KIF4A: variants seen among roughly 807,000 people sequenced by gnomAD.
The protein encoded by KIF4A is chromosome-associated kinesin KIF4A.
KIF4A carries 7 observed loss-of-function variants against 105.9 expected under a neutral mutation model. That is an observed-to-expected ratio of 0.07 (90% CI 0.04 to 0.12). The LOEUF (loss-of-function observed/expected upper bound fraction) is 0.12, where lower values mean the gene tolerates loss of function less well. Ranked by LOEUF, KIF4A falls within the 10% of genes least tolerant of loss-of-function variation. The pLI is 1.00. For synonymous variants in KIF4A, 281 were observed against 331.3 expected (o/e 0.85, Z 1.65); for missense variants, 558 against 929.2 (o/e 0.60, Z 5.19).
At chrX:70,319,059 T>TG (rs2085880648) in intron 7 of KIF4A, among the ~76,000 whole-genome samples, 1 of 111,583 alleles carries the variant, frequency 9.0e-6, no homozygotes, top group African/African-American at 3.3e-5. Flanking sequence ...GGTCAGGAGA[T>TG]GGAGACCCTC....
rs765403609 is a variant in KIF4A, at chrX:70,420,150, A to G, written c.3584A>G (p.His1195Arg). Residue 1195 changes from histidine to arginine, a missense_variant, in exon 31 of 31, where the codon CAT becomes CGT. This residue lies in a region of KIF4A where 469 missense variants were observed against 680.4 expected (regional missense o/e 0.69). Transcript: ENST00000374403. ...PSPFDLPELKHVATEYQENKA... is the reference protein window; with the variant it reads ...PSPFDLPELKRVATEYQENKA... ...CCTTTTGACCTCCCAGAGTTGAAAC[A>G]TGTAGCAACAGAATACCAAGAAAAC... 6.6e-6 allele frequency: 8 copies of G among 1,211,225 alleles called. No homozygotes were observed. Among genetic ancestry groups the G allele is most frequent in the Middle Eastern group, 2.3e-4 (1 of 4,352 alleles).
At chrX:70,397,099 G>A (rs1033287953) in intron 22 of KIF4A, among the ~76,000 whole-genome samples, 4 of 109,467 alleles carry the variant, frequency 3.7e-5, no homozygotes, top group South Asian at 4.0e-4. Flanking sequence ...GGCCAGGCAC[G>A]GTAGCTCTCG....
intron 28 of KIF4A, among the ~76,000 whole-genome samples, chrX:70,408,356 A>G (rs1196515278): frequency 8.9e-6 from 1 of 112,002 alleles, no homozygotes; most frequent in Non-Finnish European, 1.9e-5. Flanking sequence ...AATAATTAAG[A>G]TCAAACACAC....
chrX:70,334,715 T>C lies in KIF4A; in HGVS notation c.1133+1026T>C, dbSNP rs1326569490. ...TCTCCCCCTAAATCTTAGTTACTTT[T>C]GTTTGTTTATATTTTAGGTATGTGA... On this transcript the variant is annotated intron_variant, in intron 10 of 30. Transcript: ENST00000374403. Among the ~76,000 whole-genome samples, 8 of 112,225 alleles carry C rather than the reference T, an allele frequency of 7.1e-5. No individual in the cohort carries two copies. The Admixed American group carries it at 7.6e-4, about 11-fold the overall frequency.
chrX:70,350,088 G>A (rs1312766607), intron 13 of KIF4A, among the ~76,000 whole-genome samples: 8 of 114,063 alleles, frequency 7.0e-5, no homozygotes, highest in South Asian at 3.4e-4. Context: ...ATGGGGTGGC[G>A]GCCGGGCAGA....
intron 13 of KIF4A, among the ~76,000 whole-genome samples, chrX:70,344,464 T>C (rs1027509530): frequency 8.9e-6 from 1 of 111,813 alleles, no homozygotes; most frequent in South Asian, 3.8e-4. Flanking sequence ...ACCATTATAG[T>C]AGTGGCAGGT....
intron 13 of KIF4A, among the ~76,000 whole-genome samples, chrX:70,345,598 C>T (rs895421460): frequency 3.6e-5 from 4 of 111,882 alleles, no homozygotes; most frequent in Admixed American, 9.5e-5. Context: ...GTTGTATGTC[C>T]GTGTGGTTTA....
chrX:70,405,695 C>T (rs1184953294), intron 25 of KIF4A, 133 bp from the exon 26 acceptor site: 5 of 484,659 alleles, frequency 1.0e-5, no homozygotes, highest in Non-Finnish European at 1.8e-5. Context: ...TTCTGGGTGC[C>T]AGTGCCTGCT....
intron 20 of KIF4A, 32 bp downstream of exon 20, chrX:70,387,329 TG>T (rs1190909507): frequency 1.6e-5 from 16 of 1,023,171 alleles, no homozygotes; most frequent in Non-Finnish European, 2.0e-5. Context: ...ATTTCTCTTG[TG>T]GACACTGGGA....
At chrX:70,364,277 G>T (rs985145196) in intron 15 of KIF4A, among the ~76,000 whole-genome samples, 1 of 111,162 alleles carries the variant, frequency 9.0e-6, no homozygotes, top group Non-Finnish European at 1.9e-5. Flanking sequence ...GTCTTTTGTT[G>T]CCATTGCTTT....
At chrX:70,362,377 T>C in intron 15 of KIF4A, 1 of 252,147 alleles carries the variant, frequency 4.0e-6, no homozygotes, top group Non-Finnish European at 7.6e-6. Flanking sequence ...ATCACCATCT[T>C]GGGAGGACCA....
chrX:70,361,078 C>CA (rs2086073403), intron 15 of KIF4A, among the ~76,000 whole-genome samples: 1 of 112,755 alleles, frequency 8.9e-6, no homozygotes, highest in South Asian at 3.6e-4. Flanking sequence ...GCAGCAGAGG[C>CA]AGCCCACGTG....
intron 7 of KIF4A, among the ~76,000 whole-genome samples, chrX:70,319,001 G>A (rs1017910366): frequency 2.7e-5 from 3 of 111,459 alleles, no homozygotes; most frequent in African/African-American, 9.8e-5. Flanking sequence ...GTGGTGGCTC[G>A]CGCCTGTAAT....
chrX:70,404,287 G>A (rs781245224), intron 24 of KIF4A, among the ~76,000 whole-genome samples: 4 of 111,506 alleles, frequency 3.6e-5, no homozygotes, highest in Admixed American at 2.9e-4. Flanking sequence ...CAGGCCCAGC[G>A]TGGTGGCTCG....
intron 15 of KIF4A, among the ~76,000 whole-genome samples, chrX:70,359,875 G>A (rs2086067572): frequency 9.0e-6 from 1 of 111,403 alleles, no homozygotes; most frequent in South Asian, 3.8e-4. Flanking sequence ...TAGGGAGGAA[G>A]GAGAATAGAT....
chrX:70,362,700 T>G lies in KIF4A; in HGVS notation c.1674+8893T>G, dbSNP rs185456615. Among the ~76,000 whole-genome samples, 440 of 109,054 alleles carry G rather than the reference T, an allele frequency of 4.0e-3. 3 individuals are homozygous for G. The highest frequency in any genetic ancestry group is 0.014 in the African/African-American group (419 of 29,927). The allele number at this position is 109,054 out of a possible 115,157, so 94.7% of individuals were successfully genotyped here. A position where few individuals can be genotyped will look rare whatever the true frequency, so the allele number is the denominator to read the frequency against. On this transcript the variant is annotated intron_variant, in intron 15 of 30. Coordinates refer to ENST00000374403, the MANE Select transcript of KIF4A (RefSeq NM_012310.5). ...GCCTGTGCCACCATGCCTGGCTAAT[T>G]TTTGTATTTTTAGTAGAGACAGGGT...
At chrX:70,329,133 G>T (rs1258912003) in intron 7 of KIF4A, among the ~76,000 whole-genome samples, 1 of 111,929 alleles carries the variant, frequency 8.9e-6, no homozygotes. Context: ...TATACAGATG[G>T]TTGTCATGGT....
chrX:70,368,114 G>A (rs1170432758), intron 15 of KIF4A, among the ~76,000 whole-genome samples: 1 of 111,901 alleles, frequency 8.9e-6, no homozygotes, highest in African/African-American at 3.2e-5. Flanking sequence ...GGTCCTTGAA[G>A]GACTTCTCTG....
chrX:70,304,649 CTTTTTT>C (rs138222376), intron 7 of KIF4A, among the ~76,000 whole-genome samples: 2 of 51,525 alleles, frequency 3.9e-5, no homozygotes, highest in African/African-American at 1.7e-4. Flanking sequence ...TACTTCATTC[CTTTTTT>C]TTTTTTTTTT....
Sources: gnomAD v4.1 joint callset for allele counts (sites outside exome capture counted in the v4.1 genomes callset) on GRCh38, gnomAD v4.1.1 for gene constraint, gnomAD v4.1.1 regional missense constraint, MANE v1.5 for transcripts, NCBI Gene and HGNC (gene_info 2026-07-23, HGNC 2026-07-21) for gene names.